APC: variants seen among roughly 807,000 people sequenced by gnomAD.
APC encodes the protein APC regulator of Wnt signaling pathway.
Under a neutral mutation model 247.0 loss-of-function variants are expected in APC, and 72 were observed. The observed-to-expected ratio is 0.29, with a 90% CI of 0.24 to 0.35. The LOEUF is 0.35. APC is among the 10% of genes least tolerant of loss of function. The probability of loss-of-function intolerance (pLI) is 1.00; values close to 1 mark genes in which losing one functional copy is unlikely to be tolerated. For synonymous variants in APC, 1,254 were observed against 1,162.5 expected (o/e 1.08, Z -1.60); for missense variants, 3,400 against 3,360.7 (o/e 1.01, Z -0.29).
rs1752691194 is a variant in APC at position 112,739,216 on chromosome 5, TATAAA to T, written c.-19+1292_-19+1296del. 2.0e-5 allele frequency among the ~76,000 whole-genome samples: 3 copies of T among 152,348 alleles called. No individual in the cohort carries two copies. The South Asian group carries it at 6.2e-4, about 32-fold the overall frequency. On this transcript the variant is annotated intron_variant, in intron 1 of 15. Coordinates refer to ENST00000257430, the MANE Select transcript of APC (RefSeq NM_000038.6). Reference sequence around the variant, plus strand: ...GAGTACTCATGAGATATACTCTTGATATAAAGTGTTTTTCATTGAGCTTTTTTTTC... The same window carrying T: ...GAGTACTCATGAGATATACTCTTGATGTGTTTTTCATTGAGCTTTTTTTTC...
intron 14 of APC, chr5:112,829,298 C>T (rs767550408): frequency 5.6e-5 from 15 of 269,000 alleles, no homozygotes; most frequent in Non-Finnish European, 1.0e-4. Context: ...CCACCACTCC[C>T]GGCTATTTGT....
Position 112,841,281 on chromosome 5 carries a change from G to A in APC, c.5687G>A (p.Ser1896Asn), listed in dbSNP as rs751088165. ...ENKESEAKVT[S>N]HTELTSNQQS... The stretch of plus-strand genomic sequence containing the variant: ...AAGGAATCAGAGGCTAAAGTTACCA[G>A]CCACACAGAACTAACCTCCAACCAA... The change falls in exon 16 of 16, where the codon AGC becomes AAC. Residue 1896 changes from serine (S) to asparagine (N), a missense_variant. Transcript: ENST00000257430. This position sits in a 1 kb window ranked among gnomAD's most constrained non-coding sequence, Gnocchi z 4.6. The A allele has an allele frequency of 3.7e-6, 6 of 1,613,804 alleles. No homozygotes were observed. The highest frequency in any genetic ancestry group is 1.7e-5 in the Admixed American group (1 of 59,974).
rs1411820783 is a variant in APC, at chr5:112,827,148, T to C, written c.1449T>C (p.Cys483=). ...TTGCAGAATTATTGCAAGTGGACTG[T>C]GAAATGTATGGGCTTACTAATGACC... ...QAIAELLQVD[C]EMYGLTNDHY... The change falls in exon 12 of 16, where the codon TGT becomes TGC. Residue 483 remains cysteine (C), a synonymous_variant. Transcript: ENST00000257430. 1 of 1,613,786 alleles carries C rather than the reference T, an allele frequency of 6.2e-7. No individual in the cohort carries two copies. Among genetic ancestry groups the C allele is most frequent in the South Asian group, 1.1e-5 (1 of 91,076 alleles).
chr5:112,825,775 A>G (rs781277703), intron 11 of APC, among the ~76,000 whole-genome samples: 3 of 152,190 alleles, frequency 2.0e-5, no homozygotes, highest in Non-Finnish European at 4.4e-5. Context: ...CCTTTTTCTT[A>G]TGGAGCCTAA....
chr5:112,728,931 C>G (rs533870002), intron 1 of APC, among the ~76,000 whole-genome samples: 1 of 152,056 alleles, frequency 6.6e-6, no homozygotes, highest in African/African-American at 2.4e-5. Context: ...AGTTTTTTAA[C>G]CTAACACACA....
intron 9 of APC, among the ~76,000 whole-genome samples, chr5:112,816,816 A>G (rs2149769307): frequency 6.6e-6 from 1 of 151,924 alleles, no homozygotes; most frequent in African/African-American, 2.4e-5. Flanking sequence ...AAAGAGGAAA[A>G]TATAGTTACT....
chr5:112,764,344 A>G (rs147479964), intron 2 of APC, among the ~76,000 whole-genome samples: 19 of 152,264 alleles, frequency 1.2e-4, no homozygotes, highest in Non-Finnish European at 2.8e-4. Context: ...AATTATTTTC[A>G]TAGTTTAGGT....
intron 8 of APC, among the ~76,000 whole-genome samples, chr5:112,812,992 A>G (rs1668588459): frequency 6.6e-6 from 1 of 152,192 alleles, no homozygotes; most frequent in South Asian, 2.1e-4. Context: ...AGTCAGCATA[A>G]AGAGTCCAGA....
chr5:112,735,727 A>G (rs940976738), upstream of APC, among the ~76,000 whole-genome samples: 1 of 152,160 alleles, frequency 6.6e-6, no homozygotes, highest in Non-Finnish European at 1.5e-5. Context: ...CTTTTGTGGA[A>G]TCTCTAAAAA....
At position 112,843,628 on chromosome 5, in the gene APC, T is replaced by C. The variant is rs765457258; in HGVS notation, c.8034T>C (p.Asn2678=). 2.5e-6 allele frequency: 4 copies of C among 1,613,842 alleles called. No individual in the cohort carries two copies. The South Asian group carries it at 4.4e-5, about 18-fold the overall frequency. Residue 2678 remains asparagine, a synonymous_variant, in exon 16 of 16, where the codon AAT becomes AAC. Transcript: ENST00000257430. This position sits in a 1 kb window ranked among gnomAD's most constrained non-coding sequence, Gnocchi z 4.8. The part of the protein sequence containing the change: ...NPRSGRSPTG[N]TPPVIDSVSE... Reference sequence around the variant, plus strand: ...GATCTGGAAGATCTCCCACAGGTAATACTCCCCCGGTGATTGACAGTGTTT... The same window carrying C: ...GATCTGGAAGATCTCCCACAGGTAACACTCCCCCGGTGATTGACAGTGTTT...
chr5:112,748,455 C>CT (rs1561435128), intron 1 of APC, among the ~76,000 whole-genome samples: 1 of 152,054 alleles, frequency 6.6e-6, no homozygotes, highest in Non-Finnish European at 1.5e-5. Flanking sequence ...AACACTTTCT[C>CT]TTTTTTAAAT....
At chr5:112,832,184 C>T (rs889947676) in intron 14 of APC, among the ~76,000 whole-genome samples, 6 of 152,112 alleles carry the variant, frequency 3.9e-5, no homozygotes, top group African/African-American at 1.4e-4. Context: ...GAAACAAAAC[C>T]TCTGGCCCTT....
chr5:112,777,344 A>G (rs1460940017), intron 5 of APC, among the ~76,000 whole-genome samples: 1 of 152,226 alleles, frequency 6.6e-6, no homozygotes, highest in Non-Finnish European at 1.5e-5. Context: ...AGAAGTTCTG[A>G]TTGAGTAATG....
At chr5:112,759,164 T>C (rs977111234) in intron 2 of APC, among the ~76,000 whole-genome samples, 1 of 152,154 alleles carries the variant, frequency 6.6e-6, no homozygotes, top group South Asian at 2.1e-4. Context: ...AGAATGTATT[T>C]TGAAGATGTA....
rs927918662 is a variant in APC at position 112,794,429 on chromosome 5, G to A, written c.729+1900G>A. Among the ~76,000 whole-genome samples, 7 of 152,240 alleles carry A rather than the reference G, an allele frequency of 4.6e-5. No individual in the cohort carries two copies. The East Asian group carries it at 1.3e-3, about 29-fold the overall frequency. On this transcript the variant is annotated intron_variant, in intron 7 of 15. Transcript: ENST00000257430. ...TATGTGCAGCTATGTTTTGACCCCA[G>A]TTCTTTGACACCACTGTATATCCTC...
chr5:112,771,147 A>G (rs985362338), intron 4 of APC, among the ~76,000 whole-genome samples: 1 of 152,102 alleles, frequency 6.6e-6, no homozygotes, highest in East Asian at 1.9e-4. Context: ...TATTGATAGA[A>G]TATCATACTC....
In APC at chr5:112,792,450, G is replaced by A. The variant is rs771428863; in HGVS notation, c.650G>A (p.Arg217Lys). The change falls in exon 7 of 16, where the codon AGA becomes AAA. Residue 217 changes from arginine (R) to lysine (K), a missense_variant. This residue lies in a region of APC where 372 missense variants were observed against 367.6 expected (regional missense o/e 1.01). Transcript: ENST00000257430. ...CQDMEKRAQR[R>K]IARIQQIEKD... ...AGGTTTCTTGTTTTATTTTAGCGAAGAATAGCCAGAATTCAGCAAATCGAA... is the reference window on the plus strand; with the variant it reads ...AGGTTTCTTGTTTTATTTTAGCGAAAAATAGCCAGAATTCAGCAAATCGAA... 1 of 1,608,312 alleles carries A rather than the reference G, an allele frequency of 6.2e-7. No individual in the cohort carries two copies. Among genetic ancestry groups the A allele is most frequent in the Non-Finnish European group, 8.5e-7 (1 of 1,176,648 alleles).
chr5:112,836,165 TCCCCCCC>T lies in APC; in HGVS notation c.1958+1008_1958+1014del, dbSNP rs59050067. 2.0e-4 allele frequency among the ~76,000 whole-genome samples: 5 copies of T among 24,492 alleles called. No individual in the cohort carries two copies. The South Asian group carries it at 0.013, about 64-fold the overall frequency. 16.1% of individuals were successfully genotyped at this position (24,492 alleles called of 152,430 possible). A position where few individuals can be genotyped will look rare whatever the true frequency, so the allele number is the denominator to read the frequency against. ...CCTCCCGAGTAGCTGGGATTACAGGTCCCCCCCCCCCCCCGCCACCGTGCCCGGCTAA... is the reference window on the plus strand; with the variant it reads ...CCTCCCGAGTAGCTGGGATTACAGGTCCCCCCCGCCACCGTGCCCGGCTAA... On this transcript the variant is annotated intron_variant, in intron 15 of 15. Transcript: ENST00000257430.
At chr5:112,748,642 A>G (rs1753942941) in intron 1 of APC, among the ~76,000 whole-genome samples, 1 of 152,008 alleles carries the variant, frequency 6.6e-6, no homozygotes, top group African/African-American at 2.4e-5. Context: ...CGGGCGGATC[A>G]CTTGAGGTCA....
Sources: allele counts gnomAD v4.1 joint callset (sites outside exome capture counted in the v4.1 genomes callset), GRCh38; gene constraint gnomAD v4.1.1; regional missense constraint gnomAD v4.1.1; non-coding constraint Gnocchi (gnomAD v3.1); transcripts MANE v1.5; gene names NCBI Gene and HGNC (gene_info 2026-07-23, HGNC 2026-07-21).